CASD1: variants seen among roughly 807,000 people sequenced by gnomAD.
The protein encoded by CASD1 is CAS1 domain sialic acid O acetyltransferase 1.
CASD1 carries 41 observed loss-of-function variants against 100.0 expected under a neutral mutation model. That is an observed-to-expected ratio of 0.41 (90% confidence interval 0.32 to 0.53). The LOEUF is 0.53. CASD1 is among the 20% of genes least tolerant of loss of function. The pLI, the probability that CASD1 is intolerant of heterozygous loss-of-function variation, is 0.25. For missense variants in CASD1, 774 were observed against 948.7 expected, an observed-to-expected ratio of 0.82 and a Z score of 2.42; for synonymous variants, 321 against 315.6, an observed-to-expected ratio of 1.02 and a Z score of -0.18.
At chr7:94,569,722 G>T in the CASD1 span, among the ~76,000 whole-genome samples, 3 of 151,936 alleles carry the variant, frequency 2.0e-5, no homozygotes, top group African/African-American at 7.3e-5. Flanking sequence ...AGGATTACAG[G>T]TGTGAGCCAC....
At chr7:94,581,654 C>T in the CASD1 span, among the ~76,000 whole-genome samples, 1 of 152,138 alleles carries the variant, frequency 6.6e-6, no homozygotes, top group Non-Finnish European at 1.5e-5. Flanking sequence ...CATTAGTTTG[C>T]TAAGGATAAT....
At chr7:94,603,869 A>G in the CASD1 span, among the ~76,000 whole-genome samples, 3 of 152,102 alleles carry the variant, frequency 2.0e-5, no homozygotes, top group Non-Finnish European at 4.4e-5. Context: ...TAAGTAATAC[A>G]TTTCACTTAA....
chr7:94,588,206 A>T, the CASD1 span: 1 of 1,069,798 alleles, frequency 9.3e-7, no homozygotes, highest in Non-Finnish European at 1.1e-6. Context: ...TCTTGTTGTC[A>T]TTGGTCATGT....
chr7:94,602,538 A>G, the CASD1 span, among the ~76,000 whole-genome samples: 1 of 152,154 alleles, frequency 6.6e-6, no homozygotes, highest in Non-Finnish European at 1.5e-5. Context: ...TTATATCTAA[A>G]AGATCACTAA....
At chr7:94,581,459 A>C in the CASD1 span, among the ~76,000 whole-genome samples, 1 of 152,122 alleles carries the variant, frequency 6.6e-6, no homozygotes. Context: ...TTTGCTGCAC[A>C]GATCATCCCA....
the CASD1 span, chr7:94,628,684 A>G: frequency 0.75 from 235,920 of 312,774 alleles, 89,720 homozygotes; most frequent in African/African-American, 0.92. Flanking sequence ...TAATCATGCT[A>G]ATGTACTCAT....
At chr7:94,619,129 A>G in the CASD1 span, 1 of 616,328 alleles carries the variant, frequency 1.6e-6, no homozygotes, top group Non-Finnish European at 2.9e-6. Flanking sequence ...TAAAAACATA[A>G]CTGACATTAG....
the CASD1 span, among the ~76,000 whole-genome samples, chr7:94,564,329 A>C: frequency 2.0e-5 from 3 of 152,196 alleles, no homozygotes; most frequent in Non-Finnish European, 4.4e-5. Context: ...GCAGGGCCAG[A>C]CTAATGAATT....
the CASD1 span, among the ~76,000 whole-genome samples, chr7:94,568,593 TC>T: frequency 1.3e-5 from 2 of 152,150 alleles, no homozygotes; most frequent in Non-Finnish European, 2.9e-5. Context: ...TGTAAAGACT[TC>T]CTAGGCATTG....
rs1584442250 is a variant in CASD1, at chr7:94,555,905, T to C, written c.*147T>C. 2.6e-6 allele frequency: 2 copies of C among 761,824 alleles called. No homozygotes were observed. The highest frequency in any genetic ancestry group is 4.1e-6 in the Non-Finnish European group (2 of 482,250). 47.2% of individuals were successfully genotyped at this position (761,824 alleles called of 1,614,324 possible). A position where few individuals can be genotyped will look rare whatever the true frequency, so the allele number is the denominator to read the frequency against. ...AGTTCTGTGACATCTGTTGAACATATGTGGTTGTATATATTGGAAATGTAC... is the reference window on the plus strand; with the variant it reads ...AGTTCTGTGACATCTGTTGAACATACGTGGTTGTATATATTGGAAATGTAC... On this transcript the variant is annotated 3_prime_UTR_variant, in exon 18 of 18. Transcript: ENST00000297273.
At chr7:94,614,744 A>G in the CASD1 span, among the ~76,000 whole-genome samples, 9 of 152,172 alleles carry the variant, frequency 5.9e-5, no homozygotes, top group African/African-American at 1.9e-4. Flanking sequence ...ACTGATTTTA[A>G]TTATCTGATT....
the CASD1 span, among the ~76,000 whole-genome samples, chr7:94,607,435 G>A: frequency 1.3e-5 from 2 of 152,244 alleles, no homozygotes; most frequent in African/African-American, 4.8e-5. Context: ...ATTCAACAAT[G>A]TATAAAAGGA....
the CASD1 span, among the ~76,000 whole-genome samples, chr7:94,581,299 A>G: frequency 1.3e-5 from 2 of 152,222 alleles, no homozygotes; most frequent in Admixed American, 1.3e-4. Flanking sequence ...TACACTGTCC[A>G]ACACTAGTTG....
the CASD1 span, chr7:94,629,264 C>A: frequency 6.5e-6 from 1 of 154,086 alleles, no homozygotes; most frequent in Non-Finnish European, 1.4e-5. Flanking sequence ...AAAAATTAAT[C>A]TCCATAATAT....
intron 5 of CASD1, among the ~76,000 whole-genome samples, chr7:94,530,745 T>C (rs1296028123): frequency 6.6e-6 from 1 of 151,926 alleles, no homozygotes. Context: ...GTTATTTGAA[T>C]GGAAGAAATT....
chr7:94,610,251 A>C, the CASD1 span, among the ~76,000 whole-genome samples: 1 of 152,162 alleles, frequency 6.6e-6, no homozygotes, highest in African/African-American at 2.4e-5. Flanking sequence ...AAAGCAGTGA[A>C]ACTACTCTGT....
chr7:94,615,963 T>C, the CASD1 span, among the ~76,000 whole-genome samples: 3 of 152,212 alleles, frequency 2.0e-5, no homozygotes, highest in African/African-American at 7.2e-5. Flanking sequence ...CTTGGGGTTA[T>C]CAGTCTGGCA....
the CASD1 span, among the ~76,000 whole-genome samples, chr7:94,578,221 C>T: frequency 1.3e-5 from 2 of 152,016 alleles, no homozygotes; most frequent in Non-Finnish European, 2.9e-5. Context: ...CTTTACAAAC[C>T]CAGAGTAATT....
chr7:94,531,926 A>G (rs1478829387), intron 5 of CASD1, among the ~76,000 whole-genome samples: 2 of 152,190 alleles, frequency 1.3e-5, no homozygotes, highest in South Asian at 2.1e-4. Context: ...TCTTTGTTTT[A>G]TAAGAGATGT....
Sources: gnomAD v4.1 joint callset for allele counts (sites outside exome capture counted in the v4.1 genomes callset) on GRCh38, gnomAD v4.1.1 for gene constraint, MANE v1.5 for transcripts, NCBI Gene and HGNC (gene_info 2026-07-23, HGNC 2026-07-21) for gene names.